ARFGEF2: variants seen among roughly 807,000 people sequenced by gnomAD.
ARFGEF2 encodes ARF guanine nucleotide exchange factor 2.
ARFGEF2 carries 74 observed loss-of-function variants against 219.9 expected under a neutral mutation model. That is an observed-to-expected ratio of 0.34 (90% CI 0.28 to 0.41). The LOEUF is 0.41. ARFGEF2 is among the 10% of genes least tolerant of loss of function. ARFGEF2 has a pLI of 1.00. For missense variants in ARFGEF2, 1,743 were observed against 2,218.3 expected (o/e 0.79, Z 4.30); for synonymous variants, 733 against 799.2 (o/e 0.92, Z 1.40).
In ARFGEF2 at chr20:48,946,476, T is replaced by TA. The variant is rs2091027721; in HGVS notation, c.276+4489_276+4490insA. Reference sequence around the variant, plus strand: ...CAAGTTTTTCTGGTCACATATCAATTTTATATATATATATATATATTTTTA... The same window carrying TA: ...CAAGTTTTTCTGGTCACATATCAATTATTATATATATATATATATATTTTTA... On this transcript the variant is annotated intron_variant, in intron 3 of 38. Transcript: ENST00000371917. Among the ~76,000 whole-genome samples the TA allele has an allele frequency of 9.7e-5, 9 of 92,628 alleles. No homozygotes were observed. In the South Asian group the frequency reaches 3.2e-3, roughly 33 times the overall value. 60.8% of individuals were successfully genotyped at this position (92,628 alleles called of 152,430 possible). A position where few individuals can be genotyped will look rare whatever the true frequency, so the allele number is the denominator to read the frequency against.
At chr20:48,932,306 G>T (rs553251505) in intron 1 of ARFGEF2, among the ~76,000 whole-genome samples, 1 of 152,292 alleles carries the variant, frequency 6.6e-6, no homozygotes, top group East Asian at 1.9e-4. Context: ...CATTGGTTGT[G>T]AGTAAAGAGG....
intron 33 of ARFGEF2, 92 bp downstream of exon 33, chr20:49,017,642 G>A: frequency 6.3e-6 from 8 of 1,271,558 alleles, no homozygotes; most frequent in Non-Finnish European, 9.0e-6. Context: ...TTTTTTAATG[G>A]GAAGTGAGTA....
chr20:48,953,358 T>C lies in ARFGEF2; in HGVS notation c.604-198T>C, dbSNP rs140899495. On this transcript the variant is annotated intron_variant, in intron 5 of 38. Coordinates refer to ENST00000371917, the MANE Select transcript of ARFGEF2 (RefSeq NM_006420.3). ...ACCCAGCTAATTTTTTTATTTTCTA[T>C]AGAGACAGAGTTTCACCATGTTGCC... Among the ~76,000 whole-genome samples, 395 of 152,072 alleles carry C rather than the reference T, an allele frequency of 2.6e-3. 5 individuals carry two copies. The highest frequency in any genetic ancestry group is 9.3e-3 in the African/African-American group (384 of 41,480).
At chr20:48,933,000 T>C (rs2090922515) in intron 1 of ARFGEF2, among the ~76,000 whole-genome samples, 1 of 152,056 alleles carries the variant, frequency 6.6e-6, no homozygotes, top group South Asian at 2.1e-4. Flanking sequence ...AGGTTGGTGA[T>C]GGTGATTGTT....
chr20:48,925,250 A>G (rs2090869708), intron 1 of ARFGEF2, among the ~76,000 whole-genome samples: 1 of 152,238 alleles, frequency 6.6e-6, no homozygotes, highest in South Asian at 2.1e-4. Flanking sequence ...AGTAGGGGAT[A>G]GTGCCCTTCC....
intron 21 of ARFGEF2, among the ~76,000 whole-genome samples, chr20:48,991,464 ATTT>A (rs71337479): frequency 2.2e-5 from 3 of 134,892 alleles, no homozygotes. Context: ...TATTAGTGCC[ATTT>A]TTTTTTTTTT....
At chr20:48,959,740 G>T (rs1042911615) in intron 6 of ARFGEF2, among the ~76,000 whole-genome samples, 4 of 150,776 alleles carry the variant, frequency 2.7e-5, no homozygotes, top group Admixed American at 6.6e-5. Context: ...CTCCCGAGGA[G>T]CTGGGACTAC....
chr20:48,935,940 G>GGC (rs1268479926), intron 1 of ARFGEF2, among the ~76,000 whole-genome samples: 2 of 137,482 alleles, frequency 1.5e-5, no homozygotes, highest in African/African-American at 6.0e-5. Flanking sequence ...GGCTGGCCGG[G>GGC]GGGGGGGGCT....
At chr20:49,007,290 C>CT (rs11483342) in intron 26 of ARFGEF2, among the ~76,000 whole-genome samples, 89,946 of 137,630 alleles carry the variant, frequency 0.65, 30,137 homozygotes, top group African/African-American at 0.84. Flanking sequence ...CAGCCTGGAT[C>CT]TTTTTTTTTT....
At chr20:48,942,133 G>A in intron 3 of ARFGEF2, 146 bp downstream of exon 3, 10 of 1,165,264 alleles carry the variant, frequency 8.6e-6, no homozygotes, top group Non-Finnish European at 1.1e-5. Context: ...TCTTTTTGGA[G>A]ATCTCATGAG....
Position 48,941,213 on chromosome 20 carries a change from G to A in ARFGEF2, c.136G>A (p.Glu46Lys). The A allele has an allele frequency of 1.9e-6, 3 of 1,613,436 alleles. No individual in the cohort carries two copies. Among genetic ancestry groups the A allele is most frequent in the Non-Finnish European group, 2.5e-6 (3 of 1,179,642 alleles). The change falls in exon 2 of 39, where the codon GAA (glutamate) becomes AAA (lysine). Residue 46 changes from glutamate to lysine, a missense_variant. Physicochemically the swap from Glu to Lys is moderately conservative, Grantham distance 56. This residue lies in a region of ARFGEF2 where 394 missense variants were observed against 426.6 expected (regional missense o/e 0.92). Transcript: ENST00000371917. Reference protein sequence around the residue: ...CQVALDEIKAEIEKQRLGTAA... With the variant: ...CQVALDEIKAKIEKQRLGTAA... ...TTCCTTACCAGATGAAATTAAAGCAGAAATAGAAAAGCAGAGGTAAGCTAT... is the reference window on the plus strand; with the variant it reads ...TTCCTTACCAGATGAAATTAAAGCAAAAATAGAAAAGCAGAGGTAAGCTAT...
rs763324903 is a variant in ARFGEF2 at position 48,941,177 on chromosome 20, T to C, written c.122-22T>C. ...ATAAATGTTGCATTTTCCTAATGTG[T>C]TTTTTCTTCCTTCCTTACCAGATGA... is the stretch of plus-strand genomic sequence containing the variant. On this transcript the variant is annotated intron_variant, in intron 1 of 38. Coordinates refer to ENST00000371917, the MANE Select transcript of ARFGEF2 (RefSeq NM_006420.3). 1.2e-5 allele frequency: 20 copies of C among 1,610,376 alleles called. 1 individual carries two copies. The Admixed American group carries it at 3.3e-4, about 27-fold the overall frequency.
chr20:48,977,135 AC>A (rs1171713661), intron 14 of ARFGEF2, among the ~76,000 whole-genome samples: 1 of 117,890 alleles, frequency 8.5e-6, no homozygotes, highest in East Asian at 2.3e-4. Context: ...CCTGCGCCCC[AC>A]CCCATAGCAG....
At chr20:49,020,137 G>T (rs1342691404) in intron 34 of ARFGEF2, among the ~76,000 whole-genome samples, 1 of 152,086 alleles carries the variant, frequency 6.6e-6, no homozygotes, top group East Asian at 1.9e-4. Context: ...CACATTTTTG[G>T]CAGCCTGAGG....
At chr20:48,938,571 A>G (rs1251876943) in intron 1 of ARFGEF2, among the ~76,000 whole-genome samples, 1 of 152,200 alleles carries the variant, frequency 6.6e-6, no homozygotes, top group Non-Finnish European at 1.5e-5. Flanking sequence ...TATTAGGAAC[A>G]TTTGAATTAT....
At chr20:49,024,405 G>A (rs1412730223) in intron 35 of ARFGEF2, among the ~76,000 whole-genome samples, 1 of 152,164 alleles carries the variant, frequency 6.6e-6, no homozygotes, top group Non-Finnish European at 1.5e-5. Flanking sequence ...GAGGCAGGCT[G>A]GGTAAGGATT....
intron 3 of ARFGEF2, among the ~76,000 whole-genome samples, chr20:48,949,031 G>C (rs1287403371): frequency 6.6e-6 from 1 of 152,194 alleles, no homozygotes; most frequent in South Asian, 2.1e-4. Context: ...CCAGAACAGG[G>C]TCTGTCACAA....
At chr20:48,994,704 G>A (rs2091376376) in intron 22 of ARFGEF2, 106 bp downstream of exon 22, 5 of 1,506,610 alleles carry the variant, frequency 3.3e-6, no homozygotes, top group Admixed American at 1.9e-5. Flanking sequence ...TCTTCCTTTT[G>A]TGCCATCTGA....
At chr20:49,011,562 T>G (rs745402113) in intron 27 of ARFGEF2, among the ~76,000 whole-genome samples, 14 of 152,008 alleles carry the variant, frequency 9.2e-5, no homozygotes, top group Non-Finnish European at 1.5e-4. Context: ...TGACCAGGAG[T>G]CCTGGGTTCT....
Sources: gnomAD v4.1 joint callset for allele counts (sites outside exome capture counted in the v4.1 genomes callset) on GRCh38, gnomAD v4.1.1 for gene constraint, gnomAD v4.1.1 regional missense constraint, MANE v1.5 for transcripts, NCBI Gene and HGNC (gene_info 2026-07-23, HGNC 2026-07-21) for gene names.